PCCA: variants seen among roughly 807,000 people sequenced by gnomAD.
PCCA encodes propionyl-CoA carboxylase subunit alpha.
Under a neutral mutation model 101.3 loss-of-function variants are expected in PCCA, and 74 were observed. The ratio of observed to expected loss-of-function variants is 0.73; its 90% confidence interval spans 0.61 to 0.89. PCCA has a LOEUF of 0.89. Ranked by LOEUF, PCCA falls within the 40% of genes least tolerant of loss-of-function variation. The pLI is 0.00. For missense variants in PCCA, 891 were observed against 907.0 expected (o/e 0.98, Z 0.23); for synonymous variants, 294 against 313.6 (o/e 0.94, Z 0.66).
intron 6 of PCCA, among the ~76,000 whole-genome samples, chr13:100,160,151 CT>C (rs1302653337): frequency 6.6e-6 from 1 of 152,062 alleles, no homozygotes; most frequent in African/African-American, 2.4e-5. Context: ...ATTTTTTATG[CT>C]GAGTTTACGC....
chr13:100,461,558 T>G lies in PCCA; in HGVS notation c.1899+12253T>G, dbSNP rs547829149. ...GAGAACTTCTTCAGTCTTCCGTATC[T>G]CATAATTCCATAAGCAGTCCCTCAA... On this transcript the variant is annotated intron_variant, in intron 21 of 23. Transcript: ENST00000376285. Among the ~76,000 whole-genome samples the G allele has an allele frequency of 2.6e-5, 4 of 152,340 alleles. No individual in the cohort carries two copies. The South Asian group carries it at 6.2e-4, about 24-fold the overall frequency.
chr13:100,305,761 C>A, intron 14 of PCCA: 2 of 408,004 alleles, frequency 4.9e-6, no homozygotes, highest in East Asian at 8.0e-5. Flanking sequence ...TTTTTGTCAA[C>A]ACTGTGAATT....
At chr13:100,245,115 C>T (rs544900754) in intron 8 of PCCA, among the ~76,000 whole-genome samples, 2 of 152,138 alleles carry the variant, frequency 1.3e-5, no homozygotes, top group South Asian at 2.1e-4. Flanking sequence ...CAAAACTAAA[C>T]TGATAATGAT....
At chr13:100,121,058 T>A (rs531404163) in intron 4 of PCCA, among the ~76,000 whole-genome samples, 4 of 152,276 alleles carry the variant, frequency 2.6e-5, no homozygotes, top group African/African-American at 9.6e-5. Context: ...TGCAAGTCTG[T>A]AGAAATACAA....
chr13:100,243,478 A>C (rs1241956209), intron 8 of PCCA, among the ~76,000 whole-genome samples: 1 of 152,240 alleles, frequency 6.6e-6, no homozygotes, highest in Non-Finnish European at 1.5e-5. Context: ...TAAGCAAAAC[A>C]TGATAAACTT....
At chr13:100,356,013 A>T (rs2073923113) in intron 18 of PCCA, among the ~76,000 whole-genome samples, 1 of 152,166 alleles carries the variant, frequency 6.6e-6, no homozygotes, top group Admixed American at 6.5e-5. Context: ...AAATTGAATG[A>T]GTTAAGATTA....
chr13:100,363,008 T>A (rs2074791915), intron 18 of PCCA, among the ~76,000 whole-genome samples: 2 of 152,234 alleles, frequency 1.3e-5, no homozygotes, highest in Admixed American at 1.3e-4. Flanking sequence ...GCTCAGATTT[T>A]TGTTTGGTTT....
rs1406890629 is a variant in PCCA, at chr13:100,458,421, GCGCACACACACACACACATACA to G, written c.1899+9118_1899+9139del. On this transcript the variant is annotated intron_variant, in intron 21 of 23. Transcript: ENST00000376285. ...ACACACAGTGGGACCCCATCTCTGC[GCGCACACACACACACACATACA>G]CACACACACACACACACACACACAC... Among the ~76,000 whole-genome samples the G allele has an allele frequency of 4.6e-4, 45 of 98,858 alleles. 1 individual carries two copies. Among genetic ancestry groups the G allele is most frequent in the Non-Finnish European group, 6.1e-4 (33 of 53,812 alleles). The allele number at this position is 98,858 out of a possible 152,430, so 64.9% of individuals were successfully genotyped here. A position where few individuals can be genotyped will look rare whatever the true frequency, so the allele number is the denominator to read the frequency against.
intron 18 of PCCA, among the ~76,000 whole-genome samples, chr13:100,356,811 A>G (rs1437500265): frequency 6.6e-6 from 1 of 152,156 alleles, no homozygotes; most frequent in Non-Finnish European, 1.5e-5. Context: ...AACAACCCTA[A>G]TGTCCTTCAA....
chr13:100,319,998 T>C (rs1238657804), intron 16 of PCCA, among the ~76,000 whole-genome samples: 1 of 152,220 alleles, frequency 6.6e-6, no homozygotes, highest in African/African-American at 2.4e-5. Context: ...GTCTTTTATT[T>C]TGTTGAGCAG....
chr13:100,368,914 T>C (rs570372352), intron 19 of PCCA, among the ~76,000 whole-genome samples: 3 of 152,332 alleles, frequency 2.0e-5, no homozygotes, highest in Middle Eastern at 3.4e-3. Flanking sequence ...ACCATCCTTT[T>C]AAAACAAATA....
rs374844969 is a variant in PCCA, at chr13:100,273,284, G to A, written c.1003G>A (p.Val335Met). 10 of 1,611,278 alleles carry A rather than the reference G, an allele frequency of 6.2e-6. No homozygotes were observed. The highest frequency in any genetic ancestry group is 1.6e-4 in the Middle Eastern group (1 of 6,080). The change falls in exon 12 of 24, where the codon GTG (valine) becomes ATG (methionine). Residue 335 changes from valine to methionine, a missense_variant. Val to Met is a conservative substitution (Grantham distance 21, BLOSUM62 1). Transcript: ENST00000376285. ...RAVKYSSAGT[V>M]EFLVDSKKNF... ...AGTAAAATATTCCTCTGCTGGGACCGTGGAGTTCCTTGTGGACTCTAAGAA... is the reference window on the plus strand; with the variant it reads ...AGTAAAATATTCCTCTGCTGGGACCATGGAGTTCCTTGTGGACTCTAAGAA...
intron 20 of PCCA, among the ~76,000 whole-genome samples, chr13:100,445,047 G>C (rs2080721196): frequency 6.6e-6 from 1 of 152,140 alleles, no homozygotes; most frequent in Non-Finnish European, 1.5e-5. Context: ...ATCTGATGAG[G>C]ACCTCAGGCT....
intron 6 of PCCA, among the ~76,000 whole-genome samples, chr13:100,186,738 C>CAAAAAAAAAAAAAAAAAAAA (rs376028376): frequency 1.2e-5 from 1 of 84,074 alleles, no homozygotes; most frequent in Non-Finnish European, 2.4e-5. Context: ...GATTCCATCT[C>CAAAAAAAAAAAAAAAAAAAA]AAAAAAAAAA....
chr13:100,513,586 G>A (rs531189145), intron 21 of PCCA, among the ~76,000 whole-genome samples: 15 of 152,308 alleles, frequency 9.8e-5, no homozygotes, highest in African/African-American at 2.2e-4. Context: ...CAGTCTTAGC[G>A]CTTCGTTCAT....
intron 12 of PCCA, among the ~76,000 whole-genome samples, chr13:100,300,912 T>G (rs567833147): frequency 5.9e-4 from 90 of 152,232 alleles, no homozygotes; most frequent in Admixed American, 1.8e-3. Flanking sequence ...CCCAAGTCAG[T>G]GTGGAGGGAA....
chr13:100,158,518 C>T (rs1362723898), intron 6 of PCCA, among the ~76,000 whole-genome samples: 1 of 152,150 alleles, frequency 6.6e-6, no homozygotes, highest in Non-Finnish European at 1.5e-5. Flanking sequence ...GTTCCAGTTT[C>T]CCAGGTTTTA....
chr13:100,176,369 T>G (rs1392384016), intron 6 of PCCA, among the ~76,000 whole-genome samples: 2 of 152,260 alleles, frequency 1.3e-5, no homozygotes, highest in African/African-American at 4.8e-5. Flanking sequence ...TTTAGAAAAC[T>G]CAGGCCTAGC....
intron 16 of PCCA, among the ~76,000 whole-genome samples, chr13:100,315,451 T>G (rs566852254): frequency 6.6e-6 from 1 of 152,320 alleles, no homozygotes; most frequent in South Asian, 2.1e-4. Flanking sequence ...AAAACTTGCT[T>G]TATGAAAGGC....
Sources: allele counts gnomAD v4.1 joint callset (sites outside exome capture counted in the v4.1 genomes callset), GRCh38; gene constraint gnomAD v4.1.1; transcripts MANE v1.5; gene names NCBI Gene and HGNC (gene_info 2026-07-23, HGNC 2026-07-21).